EVA1C: variants seen among roughly 807,000 people sequenced by gnomAD.
EVA1C encodes the protein eva-1 homolog C.
EVA1C carries 25 observed loss-of-function variants against 45.4 expected under a neutral mutation model. That is an observed-to-expected ratio of 0.55 (90% CI 0.40 to 0.77). The LOEUF (loss-of-function observed/expected upper bound fraction) is 0.77. Ranked by LOEUF, EVA1C falls within the 30% of genes least tolerant of loss-of-function variation. EVA1C has a pLI of 0.00. For missense variants in EVA1C, 479 were observed against 554.8 expected, an observed-to-expected ratio of 0.86 and a Z score of 1.37; for synonymous variants, 190 against 221.2, an observed-to-expected ratio of 0.86 and a Z score of 1.25.
intron 4 of EVA1C, among the ~76,000 whole-genome samples, chr21:32,478,011 G>T (rs1337896273): frequency 6.9e-6 from 1 of 144,928 alleles, no homozygotes; most frequent in Non-Finnish European, 1.5e-5. Context: ...TACATTATTG[G>T]TCCCCCACAC....
chr21:32,483,661 GCACCCCTA>G (rs1179189493), intron 4 of EVA1C, among the ~76,000 whole-genome samples: 1 of 152,116 alleles, frequency 6.6e-6, no homozygotes, highest in Non-Finnish European at 1.5e-5. Flanking sequence ...CACAGATCAG[GCACCCCTA>G]CAAAATAACA....
At chr21:32,425,334 C>CAAA (rs60224656) in intron 1 of EVA1C, among the ~76,000 whole-genome samples, 5,589 of 57,680 alleles carry the variant, frequency 0.097, 649 homozygotes, top group African/African-American at 0.25. Context: ...GACTCCATCT[C>CAAA]AAAAAAAAAA....
intron 5 of EVA1C, among the ~76,000 whole-genome samples, chr21:32,499,562 T>A (rs2037462699): frequency 6.6e-6 from 1 of 152,174 alleles, no homozygotes; most frequent in Admixed American, 6.5e-5. Context: ...TCCTGGGACA[T>A]CCCCAGAAGA....
intron 7 of EVA1C, among the ~76,000 whole-genome samples, chr21:32,506,384 C>A (rs1014271236): frequency 2.7e-5 from 4 of 150,606 alleles, no homozygotes; most frequent in African/African-American, 9.9e-5. Flanking sequence ...ATAAGATGTC[C>A]ATTTTTTTAA....
chr21:32,480,674 CTT>C (rs1001522411), intron 4 of EVA1C, among the ~76,000 whole-genome samples: 10 of 151,126 alleles, frequency 6.6e-5, no homozygotes, highest in African/African-American at 1.7e-4. Context: ...TCTCAAAAAA[CTT>C]TTTTTGCCGG....
rs76053355 is a variant in EVA1C, at chr21:32,441,397, G to A, written c.161-11915G>A. Among the ~76,000 whole-genome samples, 108 of 152,090 alleles carry A rather than the reference G, an allele frequency of 7.1e-4. No homozygotes were observed. The East Asian group carries it at 0.019, about 27-fold the overall frequency. ...CAGATGTTTGGAGGAAGACTGCTTC[G>A]GGCTGAGAGACAGTCAAAGCAAAGG... On this transcript the variant is annotated intron_variant, in intron 1 of 7. Coordinates refer to ENST00000300255, the MANE Select transcript of EVA1C (RefSeq NM_058187.5).
At chr21:32,422,044 CAAA>C (rs57794940) in intron 1 of EVA1C, among the ~76,000 whole-genome samples, 7 of 92,294 alleles carry the variant, frequency 7.6e-5, no homozygotes, top group Non-Finnish European at 1.1e-4. Flanking sequence ...GACCCTGTCT[CAAA>C]AAAAAAAAAA....
At chr21:32,447,532 CTT>C (rs34802666) in intron 1 of EVA1C, among the ~76,000 whole-genome samples, 1,675 of 147,458 alleles carry the variant, frequency 0.011, 7 homozygotes, top group African/African-American at 0.021. Flanking sequence ...CTATGTTTCT[CTT>C]TTTTTTTTTT....
At chr21:32,444,163 T>C (rs912269961) in intron 1 of EVA1C, among the ~76,000 whole-genome samples, 4 of 152,138 alleles carry the variant, frequency 2.6e-5, no homozygotes, top group African/African-American at 9.7e-5. Flanking sequence ...GACCAAATGT[T>C]TGGGGATTCC....
chr21:32,413,303 CGTTCT>C (rs2033904267), intron 1 of EVA1C, among the ~76,000 whole-genome samples: 1 of 152,256 alleles, frequency 6.6e-6, no homozygotes, highest in Non-Finnish European at 1.5e-5. Context: ...GAGCCACGCT[CGTTCT>C]ATGGAGGCTC....
intron 1 of EVA1C, among the ~76,000 whole-genome samples, chr21:32,444,082 ACACACACAC>A (rs2035280447): frequency 6.6e-6 from 1 of 150,786 alleles, no homozygotes; most frequent in East Asian, 1.9e-4. Flanking sequence ...ACACACACAC[ACACACACAC>A]AAACTCAAAG....
At chr21:32,470,527 T>C (rs764840103) in intron 4 of EVA1C, among the ~76,000 whole-genome samples, 34 of 152,204 alleles carry the variant, frequency 2.2e-4, no homozygotes, top group Non-Finnish European at 4.7e-4. Flanking sequence ...CTACCCACTG[T>C]CCTGGTCCAG....
rs920090625 is a variant in EVA1C at position 32,474,862 on chromosome 21, C to T, written c.634+7014C>T. Reference sequence around the variant, plus strand: ...TTTTTTTCTAAGTGAAATGTTCCAACTTCTAAAACATTGTGTGAGCCAAAC... The same window carrying T: ...TTTTTTTCTAAGTGAAATGTTCCAATTTCTAAAACATTGTGTGAGCCAAAC... On this transcript the variant is annotated intron_variant, in intron 4 of 7. Transcript: ENST00000300255. This position sits in a 1 kb window ranked among gnomAD's most constrained non-coding sequence, Gnocchi z 4.4. Among the ~76,000 whole-genome samples, 14 of 152,220 alleles carry T rather than the reference C, an allele frequency of 9.2e-5. No individual in the cohort carries two copies. Among genetic ancestry groups the T allele is most frequent in the Non-Finnish European group, 2.1e-4 (14 of 68,040 alleles).
At chr21:32,451,139 T>C (rs753701485) in intron 1 of EVA1C, among the ~76,000 whole-genome samples, 5 of 152,118 alleles carry the variant, frequency 3.3e-5, no homozygotes, top group Non-Finnish European at 7.4e-5. Context: ...GGGAGCTGGA[T>C]TGGGCGCCTG....
At chr21:32,439,893 T>C (rs1489768868) in intron 1 of EVA1C, among the ~76,000 whole-genome samples, 1 of 152,140 alleles carries the variant, frequency 6.6e-6, no homozygotes, top group African/African-American at 2.4e-5. Flanking sequence ...GAAATTACCA[T>C]ATAATCTTCC....
chr21:32,476,511 C>T (rs921984015), intron 4 of EVA1C, among the ~76,000 whole-genome samples: 1 of 152,060 alleles, frequency 6.6e-6, no homozygotes, highest in Non-Finnish European at 1.5e-5. Flanking sequence ...TGTGGTGGCG[C>T]ATGCCTGCAA....
chr21:32,453,244 C>T, intron 1 of EVA1C, 68 bp from the exon 2 acceptor site: 2 of 1,203,354 alleles, frequency 1.7e-6, no homozygotes, highest in Non-Finnish European at 2.4e-6. Context: ...CAACGTCCTC[C>T]TGTCCCCAAA....
At chr21:32,425,243 G>A (rs2146129944) in intron 1 of EVA1C, among the ~76,000 whole-genome samples, 1 of 145,498 alleles carries the variant, frequency 6.9e-6, no homozygotes, top group Non-Finnish European at 1.5e-5. Context: ...GCTGAGGTAG[G>A]AGAATCGCTT....
chr21:32,452,597 A>C lies in EVA1C; in HGVS notation c.161-715A>C, dbSNP rs1305994843. 1.3e-5 allele frequency: 2 copies of C among 152,280 alleles called. No individual in the cohort carries two copies. Among genetic ancestry groups the C allele is most frequent in the Non-Finnish European group, 2.9e-5 (2 of 68,078 alleles). The allele number at this position is 152,280 out of a possible 1,614,324, so 9.4% of individuals were successfully genotyped here. A position where few individuals can be genotyped will look rare whatever the true frequency, so the allele number is the denominator to read the frequency against. ...ACCCTCTGCCTTATCACAAAGACAG[A>C]TGGCTTTCTGTATCCCAGGTTCTTG... On this transcript the variant is annotated intron_variant, in intron 1 of 7. Transcript: ENST00000300255. This position sits in a 1 kb window ranked among gnomAD's most constrained non-coding sequence, Gnocchi z 4.0.
Sources: allele counts gnomAD v4.1 joint callset (sites outside exome capture counted in the v4.1 genomes callset), GRCh38; gene constraint gnomAD v4.1.1; non-coding constraint Gnocchi (gnomAD v3.1); transcripts MANE v1.5; gene names NCBI Gene and HGNC (gene_info 2026-07-23, HGNC 2026-07-21).